ERC2: variants seen among roughly 807,000 people sequenced by gnomAD.
ERC2 encodes ERC protein 2.
Under a neutral mutation model 114.8 loss-of-function variants are expected in ERC2, and 42 were observed. That is an observed-to-expected ratio of 0.37 (90% CI 0.29 to 0.47). ERC2 has a LOEUF of 0.47. Among genes scored for constraint, ERC2 ranks in the 20% least tolerant of loss-of-function variants. ERC2 has a pLI of 0.99. For synonymous variants in ERC2, 454 were observed against 425.5 expected, an observed-to-expected ratio of 1.07 and a Z score of -0.82; for missense variants, 939 against 1,150.7, an observed-to-expected ratio of 0.82 and a Z score of 2.66.
intron 17 of ERC2, among the ~76,000 whole-genome samples, chr3:55,606,056 C>G (rs1180866990): frequency 6.6e-6 from 1 of 152,180 alleles, no homozygotes; most frequent in East Asian, 1.9e-4. Context: ...CCTATGGTCT[C>G]TGTGGGTTTA....
intron 1 of ERC2, among the ~76,000 whole-genome samples, chr3:56,450,427 C>G (rs2062777975): frequency 6.6e-6 from 1 of 152,134 alleles, no homozygotes; most frequent in Non-Finnish European, 1.5e-5. Flanking sequence ...ATTTCAGACT[C>G]CATCAATTTA....
At chr3:55,815,116 A>C (rs1356791896) in intron 14 of ERC2, among the ~76,000 whole-genome samples, 1 of 152,208 alleles carries the variant, frequency 6.6e-6, no homozygotes, top group Non-Finnish European at 1.5e-5. Context: ...GGGGCCTAAC[A>C]TAGAGCAGCC....
At chr3:55,554,489 G>A (rs940459147) in intron 17 of ERC2, among the ~76,000 whole-genome samples, 11 of 152,178 alleles carry the variant, frequency 7.2e-5, no homozygotes, top group African/African-American at 2.4e-4. Context: ...GGCTGAAGCC[G>A]GACTCCTAGG....
At chr3:55,644,506 C>G (rs898470779) in intron 17 of ERC2, among the ~76,000 whole-genome samples, 1 of 152,146 alleles carries the variant, frequency 6.6e-6, no homozygotes, top group African/African-American at 2.4e-5. Context: ...TAACTTTACT[C>G]AAGCTCAGTT....
intron 15 of ERC2, among the ~76,000 whole-genome samples, chr3:55,713,564 T>C (rs1225922101): frequency 1.3e-5 from 2 of 152,230 alleles, no homozygotes; most frequent in African/African-American, 4.8e-5. Flanking sequence ...TTTGGGTCTA[T>C]AGTTTCATCT....
Position 55,989,914 on chromosome 3 carries a change from A to T in ERC2, c.2255+2143T>A, listed in dbSNP as rs1379720. Reference sequence around the variant, plus strand: ...TAGGGCATCCTCCACATAGCTCACCACTTCTCAGAGCAGTGGACTAGGAAT... The same window carrying T: ...TAGGGCATCCTCCACATAGCTCACCTCTTCTCAGAGCAGTGGACTAGGAAT... On this transcript the variant is annotated intron_variant, in intron 11 of 17. Coordinates refer to ENST00000288221, the MANE Select transcript of ERC2 (RefSeq NM_015576.3). Among the ~76,000 whole-genome samples, 392 of 152,044 alleles carry T rather than the reference A, an allele frequency of 2.6e-3. 5 individuals are homozygous for T. Among genetic ancestry groups the T allele is most frequent in the African/African-American group, 8.9e-3 (370 of 41,480 alleles).
At chr3:55,822,888 C>T (rs1186530498) in intron 14 of ERC2, among the ~76,000 whole-genome samples, 2 of 152,310 alleles carry the variant, frequency 1.3e-5, no homozygotes, top group Middle Eastern at 3.4e-3. Context: ...GCTGTGATTA[C>T]AGGCGTGAGC....
At chr3:55,952,175 ACACACTCTCTCTCTCTCTCT>A (rs1387946264) in intron 12 of ERC2, among the ~76,000 whole-genome samples, 14 of 63,322 alleles carry the variant, frequency 2.2e-4, no homozygotes, top group South Asian at 6.8e-4. Flanking sequence ...ACACACACAC[ACACACTCTCTCTCTCTCTCT>A]CTCTATATAT....
intron 3 of ERC2, among the ~76,000 whole-genome samples, chr3:56,255,768 T>A (rs2150245388): frequency 6.6e-6 from 1 of 152,308 alleles, no homozygotes; most frequent in African/African-American, 2.4e-5. Context: ...TTCCTTTGGG[T>A]TGGATAAGTG....
chr3:55,939,677 C>T (rs2066660148), intron 13 of ERC2, among the ~76,000 whole-genome samples: 1 of 152,156 alleles, frequency 6.6e-6, no homozygotes, highest in Admixed American at 6.5e-5. Context: ...TCTATTTTCC[C>T]ACAGCTCACT....
At chr3:55,976,772 C>A (rs1412939730) in intron 12 of ERC2, among the ~76,000 whole-genome samples, 3 of 152,174 alleles carry the variant, frequency 2.0e-5, no homozygotes, top group Admixed American at 2.0e-4. Context: ...ATGCTTCATA[C>A]CTCACACTAA....
At chr3:56,153,477 C>T (rs958640938) in intron 4 of ERC2, among the ~76,000 whole-genome samples, 2 of 152,124 alleles carry the variant, frequency 1.3e-5, no homozygotes, top group Admixed American at 1.3e-4. Context: ...CCAAGACTGA[C>T]CAATGCAGAA....
chr3:55,854,164 A>G (rs1559766675), intron 14 of ERC2, among the ~76,000 whole-genome samples: 1 of 152,162 alleles, frequency 6.6e-6, no homozygotes, highest in Non-Finnish European at 1.5e-5. Context: ...AGTCCCAGCT[A>G]CTTGGGAAGC....
intron 3 of ERC2, among the ~76,000 whole-genome samples, chr3:56,223,145 G>A (rs1245068478): frequency 6.6e-6 from 1 of 152,200 alleles, no homozygotes. Context: ...ATGTAGCTCT[G>A]TGGAATCTGG....
At chr3:55,819,641 G>T (rs183769493) in intron 14 of ERC2, among the ~76,000 whole-genome samples, 1 of 152,324 alleles carries the variant, frequency 6.6e-6, no homozygotes, top group African/African-American at 2.4e-5. Context: ...AGAGAGAAAA[G>T]AAAGGAAAGG....
At chr3:55,779,268 G>C (rs1204445875) in intron 14 of ERC2, among the ~76,000 whole-genome samples, 1 of 148,746 alleles carries the variant, frequency 6.7e-6, no homozygotes, top group African/African-American at 2.5e-5. Flanking sequence ...GATCACTTGA[G>C]GTCAGGAGTT....
intron 17 of ERC2, among the ~76,000 whole-genome samples, chr3:55,680,346 G>A (rs767698924): frequency 3.3e-5 from 5 of 152,302 alleles, no homozygotes; most frequent in Non-Finnish European, 1.5e-5. Context: ...AAATGTCGAG[G>A]CAGAGGTGGC....
At chr3:56,339,437 C>T (rs2057998688) in intron 2 of ERC2, among the ~76,000 whole-genome samples, 1 of 152,038 alleles carries the variant, frequency 6.6e-6, no homozygotes, top group African/African-American at 2.4e-5. Flanking sequence ...ACTCAGAATA[C>T]TTTGGCACTG....
chr3:55,703,494 C>A (rs1036281444), intron 15 of ERC2, among the ~76,000 whole-genome samples: 3 of 152,262 alleles, frequency 2.0e-5, no homozygotes, highest in Admixed American at 2.0e-4. Context: ...TAGCCACCCC[C>A]CTGGGTCTCT....
Sources: allele counts gnomAD v4.1 joint callset (sites outside exome capture counted in the v4.1 genomes callset), GRCh38; gene constraint gnomAD v4.1.1; transcripts MANE v1.5; gene names NCBI Gene and HGNC (gene_info 2026-07-23, HGNC 2026-07-21).